ATF7IP: variants seen among roughly 807,000 people sequenced by gnomAD.
ATF7IP encodes the protein activating transcription factor 7-interacting protein 1.
In ATF7IP, 23 loss-of-function variants were observed where a neutral mutation model predicts 106.4. That is an observed-to-expected ratio of 0.22 (90% CI 0.16 to 0.31). The LOEUF (loss-of-function observed/expected upper bound fraction) is 0.31, where lower values mean the gene tolerates loss of function less well. Among genes scored for constraint, ATF7IP ranks in the 10% least tolerant of loss-of-function variants. The pLI is 1.00. For synonymous variants in ATF7IP, 542 were observed against 539.0 expected (o/e 1.01, Z -0.08); for missense variants, 1,334 against 1,524.3 (o/e 0.88, Z 2.08).
intron 5 of ATF7IP, among the ~76,000 whole-genome samples, chr12:14,443,869 C>T (rs757873941): frequency 6.0e-4 from 91 of 152,010 alleles, no homozygotes; most frequent in Non-Finnish European, 2.4e-4. Context: ...CTTATATCAA[C>T]AATAACCAAT....
intron 1 of ATF7IP, among the ~76,000 whole-genome samples, chr12:14,369,849 A>T (rs1938462069): frequency 6.6e-6 from 1 of 151,822 alleles, no homozygotes; most frequent in Non-Finnish European, 1.5e-5. Flanking sequence ...TGATTCATAT[A>T]CTAGGTATAT....
chr12:14,476,985 G>A (rs1944284019), intron 11 of ATF7IP, among the ~76,000 whole-genome samples: 1 of 152,102 alleles, frequency 6.6e-6, no homozygotes, highest in Admixed American at 6.6e-5. Flanking sequence ...ACTTCTCTGA[G>A]CCTTTACTAT....
intron 6 of ATF7IP, 22 bp from the exon 7 acceptor site, chr12:14,456,539 T>G (rs1279277314): frequency 6.3e-7 from 1 of 1,586,206 alleles, no homozygotes; most frequent in South Asian, 1.1e-5. Context: ...TATTTTTACC[T>G]TGATTTTTTT....
intron 13 of ATF7IP, among the ~76,000 whole-genome samples, chr12:14,495,908 C>T (rs552003241): frequency 6.6e-6 from 1 of 152,314 alleles, no homozygotes; most frequent in East Asian, 1.9e-4. Context: ...TTATTTCTCC[C>T]TGTGCTGGAC....
chr12:14,384,947 C>G (rs1939153023), intron 1 of ATF7IP: 1 of 139,952 alleles, frequency 7.1e-6, no homozygotes, highest in African/African-American at 2.6e-5. Context: ...GGCTTTCTTT[C>G]AAGCGAATTC....
At position 14,499,295 on chromosome 12, in the gene ATF7IP, A is replaced by G. The variant is rs1945101294; in HGVS notation, c.*1222A>G. ...AAATTTGACGTGCTATTTTCTTCTA[A>G]AACTATAGATGCTTTTATTTTTGGT... is the stretch of plus-strand genomic sequence containing the variant. On this transcript the variant is annotated 3_prime_UTR_variant, in exon 15 of 15. Transcript: ENST00000261168. 1 of 152,188 alleles carries G rather than the reference A, an allele frequency of 6.6e-6. No individual in the cohort carries two copies. Among genetic ancestry groups the G allele is most frequent in the South Asian group, 2.1e-4 (1 of 4,836 alleles). The allele number at this position is 152,188 out of a possible 1,614,324, so 9.4% of individuals were successfully genotyped here.
intron 1 of ATF7IP, among the ~76,000 whole-genome samples, chr12:14,400,124 A>T (rs938147033): frequency 2.0e-5 from 3 of 152,216 alleles, no homozygotes; most frequent in Non-Finnish European, 4.4e-5. Flanking sequence ...TTTTCATGTG[A>T]TGATTCACAC....
chr12:14,369,931 A>G (rs1055266146), intron 1 of ATF7IP, among the ~76,000 whole-genome samples: 6 of 150,604 alleles, frequency 4.0e-5, no homozygotes, highest in Non-Finnish European at 8.9e-5. Context: ...GTAAGTCTGC[A>G]TATGTTCATT....
At chr12:14,389,967 TA>T (rs756323008) in intron 1 of ATF7IP, among the ~76,000 whole-genome samples, 1 of 152,214 alleles carries the variant, frequency 6.6e-6, no homozygotes, top group South Asian at 2.1e-4. Context: ...AGATTTTACC[TA>T]AAAATCTAGA....
chr12:14,446,948 T>C, intron 5 of ATF7IP, 40 bp from the exon 6 acceptor site: 1 of 1,487,622 alleles, frequency 6.7e-7, no homozygotes, highest in Middle Eastern at 1.8e-4. Flanking sequence ...TGTAATACTA[T>C]TTGATTTCCA....
intron 13 of ATF7IP, among the ~76,000 whole-genome samples, 170 bp from the exon 14 acceptor site, chr12:14,496,061 C>T (rs553807802): frequency 5.3e-4 from 81 of 152,276 alleles, no homozygotes; most frequent in Non-Finnish European, 1.0e-3. Context: ...TTTTTATCCA[C>T]AGGCTGATTG....
In ATF7IP at chr12:14,424,808, A is replaced by G; in HGVS notation, c.893A>G (p.Glu298Gly). The change falls in exon 2 of 15, where the codon GAA becomes GGA. Residue 298 changes from glutamate (E) to glycine (G), a missense_variant. Physicochemically the swap from Glu to Gly is moderately conservative, Grantham distance 98. Coordinates refer to ENST00000261168, the MANE Select transcript of ATF7IP (RefSeq NM_018179.5). The stretch of plus-strand genomic sequence containing the variant: ...GAACCAAAGTCTGTACCAGTTTGTG[A>G]ACCAGTTCCTGAAATTGACAATATA... ...TFEPKSVPVC[E>G]PVPEIDNIEP... 1.9e-6 allele frequency: 3 copies of G among 1,614,136 alleles called. 1 individual carries two copies. The South Asian group carries it at 3.3e-5, about 18-fold the overall frequency.
chr12:14,434,168 T>G (rs1942284305), intron 2 of ATF7IP, among the ~76,000 whole-genome samples, 169 bp from the exon 3 acceptor site: 1 of 152,204 alleles, frequency 6.6e-6, no homozygotes, highest in African/African-American at 2.4e-5. Flanking sequence ...ACGTGGTCAT[T>G]CATTCGATCA....
chr12:14,389,328 G>A (rs1011926779), intron 1 of ATF7IP, among the ~76,000 whole-genome samples: 1 of 152,204 alleles, frequency 6.6e-6, no homozygotes, highest in African/African-American at 2.4e-5. Context: ...TATGGATATG[G>A]CAGATGTATT....
At chr12:14,391,718 G>T (rs1413310673) in intron 1 of ATF7IP, among the ~76,000 whole-genome samples, 1 of 151,774 alleles carries the variant, frequency 6.6e-6, no homozygotes, top group Non-Finnish European at 1.5e-5. Context: ...TAGGTATTTT[G>T]TTTGTTTGTT....
intron 6 of ATF7IP, among the ~76,000 whole-genome samples, chr12:14,454,474 G>A (rs961443887): frequency 1.5e-4 from 23 of 152,304 alleles, no homozygotes; most frequent in African/African-American, 3.8e-4. Flanking sequence ...AATCTAATGC[G>A]TTGGGCATCT....
chr12:14,428,550 C>A (rs1941975023), intron 2 of ATF7IP, among the ~76,000 whole-genome samples: 1 of 152,108 alleles, frequency 6.6e-6, no homozygotes, highest in South Asian at 2.1e-4. Flanking sequence ...TTGCTGTACT[C>A]CTGTTGAAAT....
At chr12:14,366,657 C>T (rs1442203513) in intron 1 of ATF7IP, among the ~76,000 whole-genome samples, 2 of 152,136 alleles carry the variant, frequency 1.3e-5, no homozygotes, top group Non-Finnish European at 2.9e-5. Flanking sequence ...GTGACTTGTT[C>T]ATTACTGCTT....
chr12:14,462,404 C>A (rs569015135), intron 9 of ATF7IP, among the ~76,000 whole-genome samples: 3 of 151,786 alleles, frequency 2.0e-5, no homozygotes, highest in Non-Finnish European at 4.4e-5. Flanking sequence ...TTTTTAATGT[C>A]AGATCATTTA....
Sources: allele counts gnomAD v4.1 joint callset (sites outside exome capture counted in the v4.1 genomes callset), GRCh38; gene constraint gnomAD v4.1.1; transcripts MANE v1.5; gene names NCBI Gene and HGNC (gene_info 2026-07-23, HGNC 2026-07-21).